The following SLC44A1 variants were observed in gnomAD, a reference collection of about 807,000 sequenced individuals.
The protein encoded by SLC44A1 is solute carrier family 44 member 1, also known as choline transporter-like protein 1.
Under a neutral mutation model 79.3 loss-of-function variants are expected in SLC44A1, and 26 were observed. That is an observed-to-expected ratio of 0.33 (90% CI 0.24 to 0.46). The LOEUF is 0.46. Among genes scored for constraint, SLC44A1 ranks in the 20% least tolerant of loss-of-function variants. The probability of loss-of-function intolerance (pLI) is 1.00; values close to 1 mark genes in which losing one functional copy is unlikely to be tolerated. For synonymous variants in SLC44A1, 263 were observed against 286.2 expected (o/e 0.92, Z 0.82); for missense variants, 688 against 798.1 (o/e 0.86, Z 1.66).
chr9:105,303,115 C>A (rs966391227), intron 2 of SLC44A1, among the ~76,000 whole-genome samples: 4 of 152,166 alleles, frequency 2.6e-5, no homozygotes, highest in African/African-American at 9.7e-5. Context: ...ACCCCAGCTC[C>A]TCCTGGGTTC....
chr9:105,245,207 C>A (rs190028737), intron 1 of SLC44A1, among the ~76,000 whole-genome samples: 6 of 152,270 alleles, frequency 3.9e-5, no homozygotes, highest in African/African-American at 1.4e-4. Flanking sequence ...TCCCGCCCGC[C>A]TGCAGGTAGA....
At chr9:105,413,361 A>C (rs1376775785) in intron 15 of SLC44A1, among the ~76,000 whole-genome samples, 1 of 152,222 alleles carries the variant, frequency 6.6e-6, no homozygotes, top group African/African-American at 2.4e-5. Flanking sequence ...ATATAAGCTG[A>C]AGAATACTGG....
Position 105,389,996 on chromosome 9 carries a change from C to A in SLC44A1, c.*940C>A. 1.4e-6 allele frequency: 2 copies of A among 1,433,088 alleles called. No homozygotes were observed. The highest frequency in any genetic ancestry group is 1.6e-5 in the South Asian group (1 of 62,858). The allele number at this position is 1,433,088 out of a possible 1,614,324, so 88.8% of individuals were successfully genotyped here. A position where few individuals can be genotyped will look rare whatever the true frequency, so the allele number is the denominator to read the frequency against. On this transcript the variant is annotated 3_prime_UTR_variant, in exon 16 of 16. Transcript: ENST00000374720. ...TGCTTGGGCTTCGGCTTCAGAGTAA[C>A]GTCAGTGGCTTAGGGTTAAACGGCC...
chr9:105,396,016 C>G lies in SLC44A1; in HGVS notation c.*6960C>G. On this transcript the variant is annotated 3_prime_UTR_variant, in exon 16 of 16. Transcript: ENST00000374720. ...TATTAAGTAGATTTTCCCCCATCCT[C>G]TAGGTTCCTGTAGTCTGTGCTCAGA... The G allele has an allele frequency of 1.0e-6, 1 of 985,054 alleles. No individual in the cohort carries two copies. Among genetic ancestry groups the G allele is most frequent in the Non-Finnish European group, 1.2e-6 (1 of 829,908 alleles). 61.0% of individuals were successfully genotyped at this position (985,054 alleles called of 1,614,324 possible). A position where few individuals can be genotyped will look rare whatever the true frequency, so the allele number is the denominator to read the frequency against.
At position 105,351,198 on chromosome 9, in the gene SLC44A1, G is replaced by A. The variant is rs572842104; in HGVS notation, c.500+2747G>A. Among the ~76,000 whole-genome samples, 4 of 152,282 alleles carry A rather than the reference G, an allele frequency of 2.6e-5. No homozygotes were observed. The South Asian group carries it at 8.3e-4, about 32-fold the overall frequency. ...CCTCTGGATGCCAGAAAGGTTACTA[G>A]GTGCTGGGGAATTAATGATACAATA... On this transcript the variant is annotated intron_variant, in intron 5 of 15. Transcript: ENST00000374720.
chr9:105,419,791 T>C (rs1291167658), intron 15 of SLC44A1, among the ~76,000 whole-genome samples: 1 of 151,738 alleles, frequency 6.6e-6, no homozygotes, highest in African/African-American at 2.4e-5. Context: ...GGCATGTGCC[T>C]GTAATCCAGC....
chr9:105,430,494 AT>A (rs1352243460), intron 15 of SLC44A1, among the ~76,000 whole-genome samples: 1 of 152,158 alleles, frequency 6.6e-6, no homozygotes, highest in African/African-American at 2.4e-5. Context: ...GGATTTGCCT[AT>A]TTTGGATTCA....
At chr9:105,420,572 A>G (rs1021032275) in intron 15 of SLC44A1, among the ~76,000 whole-genome samples, 9 of 152,250 alleles carry the variant, frequency 5.9e-5, no homozygotes, top group Middle Eastern at 3.4e-3. Context: ...TCCAAAATGG[A>G]TGTTCTAGGC....
At chr9:105,299,789 T>C (rs544625437) in intron 2 of SLC44A1, 1 of 985,904 alleles carries the variant, frequency 1.0e-6, no homozygotes, top group Non-Finnish European at 1.2e-6. Flanking sequence ...CATCTTTCGA[T>C]TGGAGATGAA....
chr9:105,356,317 C>T lies in SLC44A1; in HGVS notation c.606C>T (p.His202=), dbSNP rs1277303357. 9 of 1,611,900 alleles carry T rather than the reference C, an allele frequency of 5.6e-6. No homozygotes were observed. Among genetic ancestry groups the T allele is most frequent in the African/African-American group, 1.3e-5 (1 of 74,818 alleles). The change falls in exon 6 of 16, where the codon CAC becomes CAT. Residue 202 remains histidine (H), a synonymous_variant. Coordinates refer to ENST00000374720, the MANE Select transcript of SLC44A1 (RefSeq NM_080546.5). Reference sequence around the variant, plus strand: ...TTGTCAGTGACAATAGTGTCTTACACAGGCTGATTAGTGGAGTAATGACCA... The same window carrying T: ...TTGTCAGTGACAATAGTGTCTTACATAGGCTGATTAGTGGAGTAATGACCA... ...ITFVSDNSVL[H]RLISGVMTSK...
intron 3 of SLC44A1, among the ~76,000 whole-genome samples, chr9:105,320,749 A>T (rs945879718): frequency 1.3e-5 from 2 of 152,218 alleles, no homozygotes; most frequent in African/African-American, 4.8e-5. Flanking sequence ...GTCACCATGC[A>T]TGTCTCTGTT....
intron 3 of SLC44A1, among the ~76,000 whole-genome samples, chr9:105,334,042 G>A (rs575593693): frequency 2.0e-5 from 3 of 152,298 alleles, no homozygotes; most frequent in African/African-American, 7.2e-5. Flanking sequence ...GGGAGAATTA[G>A]TAAGAGAATG....
chr9:105,430,419 T>C (rs1257690048), intron 15 of SLC44A1, among the ~76,000 whole-genome samples: 1 of 152,194 alleles, frequency 6.6e-6, no homozygotes, highest in Non-Finnish European at 1.5e-5. Flanking sequence ...CCATGCCTTT[T>C]AGCATTCAGT....
downstream of SLC44A1, among the ~76,000 whole-genome samples, chr9:105,401,898 A>AGTAGAGAGT (rs1828963224): frequency 6.6e-6 from 1 of 152,190 alleles, no homozygotes; most frequent in Non-Finnish European, 1.5e-5. Context: ...GAGCAGTGAT[A>AGTAGAGAGT]GTAGAGAGTG....
chr9:105,414,113 A>G (rs1829135685), intron 15 of SLC44A1, among the ~76,000 whole-genome samples: 1 of 147,472 alleles, frequency 6.8e-6, no homozygotes, highest in South Asian at 2.1e-4. Context: ...CCCAGGCTGG[A>G]GTGCAGTGGC....
chr9:105,354,556 T>C (rs1188454431), intron 5 of SLC44A1, among the ~76,000 whole-genome samples: 2 of 152,196 alleles, frequency 1.3e-5, no homozygotes, highest in East Asian at 3.8e-4. Context: ...GCATTAACTT[T>C]CACTAATACC....
intron 13 of SLC44A1, among the ~76,000 whole-genome samples, chr9:105,381,828 C>T (rs1010090126): frequency 2.6e-5 from 4 of 151,974 alleles, no homozygotes; most frequent in Non-Finnish European, 4.4e-5. Flanking sequence ...ATTTTAACTC[C>T]GAGTTAAGAT....
intron 2 of SLC44A1, among the ~76,000 whole-genome samples, chr9:105,303,628 G>T (rs957688589): frequency 6.6e-6 from 1 of 152,146 alleles, no homozygotes; most frequent in Admixed American, 6.5e-5. Context: ...GGAAACAGAG[G>T]CATAGAGATA....
intron 15 of SLC44A1, among the ~76,000 whole-genome samples, chr9:105,434,436 G>A (rs1024088213): frequency 6.6e-6 from 1 of 152,172 alleles, no homozygotes; most frequent in Non-Finnish European, 1.5e-5. Flanking sequence ...TTCATAGAAG[G>A]GTTGAAAGAT....
Sources: allele counts gnomAD v4.1 joint callset (sites outside exome capture counted in the v4.1 genomes callset), GRCh38; gene constraint gnomAD v4.1.1; transcripts MANE v1.5; gene names NCBI Gene and HGNC (gene_info 2026-07-23, HGNC 2026-07-21).